The following TNFAIP8L3 variants were observed in gnomAD, a reference collection of about 807,000 sequenced individuals.
The protein encoded by TNFAIP8L3 is tumor necrosis factor alpha-induced protein 8-like protein 3.
TNFAIP8L3 carries 7 observed loss-of-function variants against 11.8 expected under a neutral mutation model. That is an observed-to-expected ratio of 0.59 (90% CI 0.34 to 1.11). The LOEUF (loss-of-function observed/expected upper bound fraction) is 1.11, where lower values mean the gene tolerates loss of function less well. Among genes scored for constraint, TNFAIP8L3 ranks in the 50% most tolerant of loss-of-function variants. TNFAIP8L3 has a pLI of 0.03. For missense variants in TNFAIP8L3, 219 were observed against 258.6 expected (o/e 0.85, Z 1.05); for synonymous variants, 98 against 103.8 (o/e 0.94, Z 0.34).
rs144891510 is a variant in TNFAIP8L3, at chr15:51,078,342, A to C, written c.52+16202T>G. Among the ~76,000 whole-genome samples the C allele has an allele frequency of 1.4e-3, 212 of 151,994 alleles. 1 individual carries two copies. The highest frequency in any genetic ancestry group is 4.2e-3 in the African/African-American group (175 of 41,464). On this transcript the variant is annotated intron_variant, in intron 1 of 1. Coordinates refer to ENST00000637513, the MANE Select transcript of TNFAIP8L3 (RefSeq NM_001311175.2). ...GCTGTTTCCGGGGGGCAGATATGCT[A>C]ACTACTTGTAATCCTGGAACGCTGA...
At chr15:51,067,150 A>G (rs918901815) in intron 1 of TNFAIP8L3, among the ~76,000 whole-genome samples, 2 of 152,214 alleles carry the variant, frequency 1.3e-5, no homozygotes, top group Non-Finnish European at 2.9e-5. Flanking sequence ...TGAGGCTTAC[A>G]AAAGGCATTT....
intron 1 of TNFAIP8L3, among the ~76,000 whole-genome samples, chr15:51,079,112 C>G (rs1258816907): frequency 6.6e-6 from 1 of 152,228 alleles, no homozygotes; most frequent in African/African-American, 2.4e-5. Context: ...CTTCTCTTCA[C>G]CCTCTACAAA....
intron 1 of TNFAIP8L3, among the ~76,000 whole-genome samples, chr15:51,089,598 A>G (rs2065452633): frequency 6.6e-6 from 1 of 152,250 alleles, no homozygotes; most frequent in South Asian, 2.1e-4. Flanking sequence ...AGTCCCAGAC[A>G]GTACAGAAAT....
intron 1 of TNFAIP8L3, among the ~76,000 whole-genome samples, chr15:51,076,116 T>C (rs2140971958): frequency 6.6e-6 from 1 of 152,340 alleles, no homozygotes; most frequent in South Asian, 2.1e-4. Context: ...ATATATTGCT[T>C]ATAATCTCCC....
chr15:51,080,200 C>G lies in TNFAIP8L3; in HGVS notation c.52+14344G>C, dbSNP rs569892594. Among the ~76,000 whole-genome samples the G allele has an allele frequency of 5.9e-5, 9 of 152,330 alleles. No homozygotes were observed. In the East Asian group the frequency reaches 1.7e-3, roughly 29 times the overall value. On this transcript the variant is annotated intron_variant, in intron 1 of 1. Transcript: ENST00000637513. ...CAGCGATGACATTACTATGATTTAG[C>G]TATCATTCATAGCCAAGTCATGTAG...
At chr15:51,070,370 T>C (rs560722304) in intron 1 of TNFAIP8L3, among the ~76,000 whole-genome samples, 32 of 152,226 alleles carry the variant, frequency 2.1e-4, no homozygotes, top group Non-Finnish European at 3.5e-4. Flanking sequence ...AAATAACTAG[T>C]GTCTTTCTGA....
chr15:51,088,141 G>A (rs377384797), intron 1 of TNFAIP8L3, among the ~76,000 whole-genome samples: 4 of 151,840 alleles, frequency 2.6e-5, no homozygotes, highest in African/African-American at 9.7e-5. Context: ...AGTTATTTAT[G>A]TAGTGTCTTT....
chr15:51,083,149 G>A (rs2065404177), intron 1 of TNFAIP8L3, among the ~76,000 whole-genome samples: 1 of 152,170 alleles, frequency 6.6e-6, no homozygotes, highest in South Asian at 2.1e-4. Flanking sequence ...GGGGAGTAAG[G>A]GATTCTGGGG....
At chr15:51,081,778 G>T (rs996060644) in intron 1 of TNFAIP8L3, among the ~76,000 whole-genome samples, 6 of 152,200 alleles carry the variant, frequency 3.9e-5, no homozygotes, top group Non-Finnish European at 2.9e-5. Flanking sequence ...GAAATCCTGG[G>T]TAGAGGTGGT....
chr15:51,104,452 C>T (rs992422881), intron 1 of TNFAIP8L3, among the ~76,000 whole-genome samples: 7 of 152,230 alleles, frequency 4.6e-5, no homozygotes, highest in African/African-American at 1.2e-4. Flanking sequence ...TACCCAGAGT[C>T]CACGCAGCAA....
chr15:51,072,175 T>C (rs2065313230), intron 1 of TNFAIP8L3, among the ~76,000 whole-genome samples: 1 of 152,134 alleles, frequency 6.6e-6, no homozygotes, highest in Non-Finnish European at 1.5e-5. Context: ...AGTTTCACTC[T>C]TGTTGCCCAG....
intron 1 of TNFAIP8L3, among the ~76,000 whole-genome samples, chr15:51,077,875 C>T (rs2140973129): frequency 6.6e-6 from 1 of 152,300 alleles, no homozygotes; most frequent in Admixed American, 6.5e-5. Flanking sequence ...TTAGCAGGAC[C>T]ACTTATTTTT....
rs1310114821 is a variant in TNFAIP8L3, at chr15:51,061,277, T to C, written c.53-2834A>G. ...TGTCTCAGCCCCAAGTAGCTGGGAC[T>C]ACAGGAATGTACACTGTGCCCAGCC... On this transcript the variant is annotated intron_variant, in intron 1 of 1. Transcript: ENST00000637513. Among the ~76,000 whole-genome samples the C allele has an allele frequency of 2.0e-5, 3 of 152,204 alleles. No homozygotes were observed. The East Asian group carries it at 5.8e-4, about 29-fold the overall frequency.
At chr15:51,063,939 G>A (rs1427347223) in intron 1 of TNFAIP8L3, among the ~76,000 whole-genome samples, 1 of 152,168 alleles carries the variant, frequency 6.6e-6, no homozygotes, top group Non-Finnish European at 1.5e-5. Flanking sequence ...CAAAGTCCCT[G>A]GGTGGTTTCC....
intron 1 of TNFAIP8L3, among the ~76,000 whole-genome samples, chr15:51,082,771 A>G (rs1340906267): frequency 6.6e-6 from 1 of 152,088 alleles, no homozygotes; most frequent in Non-Finnish European, 1.5e-5. Context: ...GTTAAAAACT[A>G]AGAAAAACAC....
intron 1 of TNFAIP8L3, among the ~76,000 whole-genome samples, chr15:51,071,249 A>G (rs1049192392): frequency 2.6e-5 from 4 of 152,162 alleles, no homozygotes; most frequent in Admixed American, 6.5e-5. Flanking sequence ...CATTTCAAAC[A>G]TATGGCCAAA....
At chr15:51,092,543 T>C (rs887596851) in intron 1 of TNFAIP8L3, among the ~76,000 whole-genome samples, 1 of 152,206 alleles carries the variant, frequency 6.6e-6, no homozygotes, top group Non-Finnish European at 1.5e-5. Flanking sequence ...TTAAAATACA[T>C]GTTCAACGTG....
chr15:51,080,725 A>T (rs2065385253), intron 1 of TNFAIP8L3, among the ~76,000 whole-genome samples: 1 of 152,254 alleles, frequency 6.6e-6, no homozygotes, highest in Admixed American at 6.5e-5. Context: ...AGTGTAAATA[A>T]CCATGTAAGG....
At position 51,058,044 on chromosome 15, in the gene TNFAIP8L3, C is replaced by T. The variant is rs149611843; in HGVS notation, c.452G>A (p.Arg151Gln). The change falls in exon 2 of 2, where the codon CGG becomes CAG. Residue 151 changes from arginine to glutamine, a missense_variant. Physicochemically the swap from Arg to Gln is conservative, Grantham distance 43. Coordinates refer to ENST00000637513, the MANE Select transcript of TNFAIP8L3 (RefSeq NM_001311175.2). The stretch of plus-strand genomic sequence containing the variant: ...CCCGTGGGTCCTGGGCGTCAGGTGC[C>T]GCTGCACCAGTTCATGCACCAGGTC... ...CKDLVHELVQ[R>Q]HLTPRTHGRI... The T allele has an allele frequency of 5.0e-5, 80 of 1,614,072 alleles. No homozygotes were observed. The African/African-American group carries it at 5.1e-4, about 10-fold the overall frequency.
Sources: allele counts gnomAD v4.1 joint callset (sites outside exome capture counted in the v4.1 genomes callset), GRCh38; gene constraint gnomAD v4.1.1; transcripts MANE v1.5; gene names NCBI Gene and HGNC (gene_info 2026-07-23, HGNC 2026-07-21).